OPLAH: variants seen among roughly 807,000 people sequenced by gnomAD.
The protein encoded by OPLAH is 5-oxoprolinase.
In OPLAH, 103 loss-of-function variants were observed where a neutral mutation model predicts 122.8. The ratio of observed to expected loss-of-function variants is 0.84; its 90% confidence interval spans 0.71 to 0.99. The LOEUF (loss-of-function observed/expected upper bound fraction) is 0.99. OPLAH is among the 50% of genes least tolerant of loss of function. The pLI is 0.00. For synonymous variants in OPLAH, 875 were observed against 796.0 expected, an observed-to-expected ratio of 1.10 and a Z score of -1.67; for missense variants, 1,902 against 1,836.5, an observed-to-expected ratio of 1.04 and a Z score of -0.65.
chr8:144,058,429 A>G (rs1232223678), intron 6 of OPLAH, 25 bp from the exon 7 acceptor site: 9 of 1,586,130 alleles, frequency 5.7e-6, no homozygotes, highest in African/African-American at 1.3e-5. Context: ...CAGGCGGGCC[A>G]TGAGGGGCAG....
rs1835617054 is a variant in OPLAH at position 144,059,602 on chromosome 8, G to A, written c.360C>T (p.Asp120=). Reference sequence around the variant, plus strand: ...CCCCAGCCAACATGGAGCTCACCAGGTCAAAGAGGTCCCCACGGGCTTGGG... The same window carrying A: ...CCCCAGCCAACATGGAGCTCACCAGATCAAAGAGGTCCCCACGGGCTTGGG... The part of the protein sequence containing the change: ...IGTQARGDLF[D]LAVPMPEVLY... Residue 120 remains aspartate (D), a synonymous_variant, in exon 3 of 27, where the codon GAC becomes GAT. Coordinates refer to ENST00000618853, the MANE Select transcript of OPLAH (RefSeq NM_017570.5). 1 of 1,605,660 alleles carries A rather than the reference G, an allele frequency of 6.2e-7. No individual in the cohort carries two copies. The highest frequency in any genetic ancestry group is 1.1e-5 in the South Asian group (1 of 90,236).
At chr8:144,062,785 A>C (rs1835684928), upstream of OPLAH, among the ~76,000 whole-genome samples, 1 of 150,010 alleles carries the variant, frequency 6.7e-6, no homozygotes, top group African/African-American at 2.5e-5. Flanking sequence ...CTCTCTGTTC[A>C]CTCCAGGGGC....
upstream of OPLAH, among the ~76,000 whole-genome samples, chr8:144,062,471 C>G (rs1236492421): frequency 6.6e-6 from 1 of 151,984 alleles, no homozygotes. Flanking sequence ...CTGAGCAGTC[C>G]GTGGGAAGCA....
At chr8:144,062,240 T>C (rs144840074), upstream of OPLAH, among the ~76,000 whole-genome samples, 1 of 152,194 alleles carries the variant, frequency 6.6e-6, no homozygotes, top group Non-Finnish European at 1.5e-5. Flanking sequence ...CAGCTCCCCA[T>C]AGACAGGGAT....
intron 19 of OPLAH, among the ~76,000 whole-genome samples, chr8:144,053,820 C>A (rs1554758299): frequency 1.3e-5 from 2 of 148,424 alleles, no homozygotes; most frequent in Non-Finnish European, 3.0e-5. Context: ...CTCTCCTACC[C>A]CCACCCCCAC....
At chr8:144,057,971 C>A in intron 8 of OPLAH, 39 bp downstream of exon 8, 1 of 1,611,930 alleles carries the variant, frequency 6.2e-7, no homozygotes, top group Non-Finnish European at 8.5e-7. Context: ...AGGAGGGAGA[C>A]AGGGCTGGGG....
chr8:144,053,003 C>A lies in OPLAH; in HGVS notation c.2998G>T (p.Val1000Leu). 1 of 1,602,558 alleles carries A rather than the reference C, an allele frequency of 6.2e-7. No individual in the cohort carries two copies. The highest frequency in any genetic ancestry group is 1.1e-5 in the South Asian group (1 of 89,178). ...CCCACCTGACTCAGGCTGATCTGCA[C>A]ACGGAGGCGGATGGGGGAACCGTCG... ...MDDGSPIRLR[V>L]QISLSQGSAV... The change falls in exon 21 of 27, where the codon GTG becomes TTG. Residue 1000 changes from valine (V) to leucine (L), a missense_variant. Val to Leu is a conservative substitution (Grantham distance 32). Coordinates refer to ENST00000618853, the MANE Select transcript of OPLAH (RefSeq NM_017570.5).
chr8:144,051,148 A>G, downstream of OPLAH: 1 of 1,424,870 alleles, frequency 7.0e-7, no homozygotes, highest in South Asian at 1.5e-5. Context: ...ACCGCCCTGG[A>G]GGGGCTCACG....
chr8:144,056,994 G>C lies in OPLAH; in HGVS notation c.1660C>G (p.Leu554Val). Residue 554 changes from leucine (L) to valine (V), a missense_variant, in exon 12 of 27, where the codon CTG becomes GTG. Leu to Val is a conservative substitution (Grantham distance 32, BLOSUM62 1). This residue lies in a region of OPLAH where 1,726 missense variants were observed against 1,642.1 expected (regional missense o/e 1.05). Transcript: ENST00000618853. ...AGAGCATCCACACACTGCTCCTCCA[G>C]GCGGCTCAGCCTCTGGTCCAGCTGC... Reference protein sequence around the residue: ...FVQLDQRLSRLEEQCVDALQA... With the variant: ...FVQLDQRLSRVEEQCVDALQA... The C allele has an allele frequency of 2.5e-6, 4 of 1,589,900 alleles. No homozygotes were observed. Among genetic ancestry groups the C allele is most frequent in the Non-Finnish European group, 3.4e-6 (4 of 1,169,902 alleles).
rs1050053640 is a variant in OPLAH, at chr8:144,057,983, C to T, written c.1088+27G>A. On this transcript the variant is annotated intron_variant, in intron 8 of 26. Coordinates refer to ENST00000618853, the MANE Select transcript of OPLAH (RefSeq NM_017570.5). ...ACGAGGAGGGAGACAGGGCTGGGGT[C>T]CCAGCCTGGGAAGCAGGAGAGCTGA... 6.2e-6 allele frequency: 10 copies of T among 1,612,006 alleles called. No homozygotes were observed. In the African/African-American group the frequency reaches 9.3e-5, roughly 15 times the overall value.
At chr8:144,053,947 C>T (rs2129770659) in intron 19 of OPLAH, among the ~76,000 whole-genome samples, 1 of 148,366 alleles carries the variant, frequency 6.7e-6, no homozygotes, top group Admixed American at 6.8e-5. Context: ...CCTCCAAATA[C>T]CCACCTCCAC....
chr8:144,051,423 T>C lies in OPLAH; in HGVS notation c.3770A>G (p.Glu1257Gly), dbSNP rs1324215147. 2 of 1,482,794 alleles carry C rather than the reference T, an allele frequency of 1.3e-6. No individual in the cohort carries two copies. Among genetic ancestry groups the C allele is most frequent in the Non-Finnish European group, 1.8e-6 (2 of 1,108,868 alleles). The allele number at this position is 1,482,794 out of a possible 1,614,324, so 91.9% of individuals were successfully genotyped here. A position where few individuals can be genotyped will look rare whatever the true frequency, so the allele number is the denominator to read the frequency against. Reference protein sequence around the residue: ...TPGGGGYGDPEDPAPPPGSPP... With the variant: ...TPGGGGYGDPGDPAPPPGSPP... Reference sequence around the variant, plus strand: ...CGACCCCGGCGGTGGGGCGGGGTCCTCCGGGTCCCCATAGCCACCGCCGCC... The same window carrying C: ...CGACCCCGGCGGTGGGGCGGGGTCCCCCGGGTCCCCATAGCCACCGCCGCC... Residue 1257 changes from glutamate (E) to glycine (G), a missense_variant, in exon 27 of 27, where the codon GAG becomes GGG. Around this residue, in one of 3 missense-constraint regions of OPLAH, gnomAD observed 1,726 missense variants for 1,642.1 expected, o/e 1.05. Transcript: ENST00000618853.
At chr8:144,061,579 A>G (rs1424882172), upstream of OPLAH, among the ~76,000 whole-genome samples, 1 of 152,078 alleles carries the variant, frequency 6.6e-6, no homozygotes, top group Non-Finnish European at 1.5e-5. Context: ...AGTTGGCCAA[A>G]CCTACCAAAA....
chr8:144,052,665 C>G (rs1482571336), intron 22 of OPLAH, 67 bp from the exon 23 acceptor site: 31 of 1,532,708 alleles, frequency 2.0e-5, no homozygotes, highest in Non-Finnish European at 2.5e-5. Flanking sequence ...ACCCCACCCC[C>G]CGCCCCAGCA....
rs960979823 is a variant in OPLAH, at chr8:144,060,122, A to G, written c.-53-37T>C. 1.3e-5 allele frequency: 18 copies of G among 1,419,846 alleles called. No homozygotes were observed. In the East Asian group the frequency reaches 4.0e-4, roughly 31 times the overall value. 88.0% of individuals were successfully genotyped at this position (1,419,846 alleles called of 1,614,324 possible). A position where few individuals can be genotyped will look rare whatever the true frequency, so the allele number is the denominator to read the frequency against. ...CGGGGTCAGCCCGGGCTCACCTGCG[A>G]GTGGGACTAGAGGCTCCCCAGCCCT... is the stretch of plus-strand genomic sequence containing the variant. On this transcript the variant is annotated intron_variant, in intron 1 of 26. Transcript: ENST00000618853.
upstream of OPLAH, among the ~76,000 whole-genome samples, chr8:144,061,975 G>A (rs187031579): frequency 9.7e-3 from 1,386 of 142,780 alleles, 22 homozygotes; most frequent in African/African-American, 0.035. Context: ...AGATGAGATC[G>A]CACCACTGCA....
In OPLAH at chr8:144,053,249, T is replaced by C; in HGVS notation, c.2831A>G (p.Tyr944Cys). ...GTAGGCCTGCACCACGTCCAGGCCG[T>C]ACTGCCCAATGAGCTCCCCCACCAG... is the stretch of plus-strand genomic sequence containing the variant. ...IQLVGELIGQ[Y>C]GLDVVQAYMG... The change falls in exon 20 of 27, where the codon TAC becomes TGC. Residue 944 changes from tyrosine (Y) to cysteine (C), a missense_variant. By Grantham distance (194) the Tyr-to-Cys change is radical (BLOSUM62 -2). Transcript: ENST00000618853. 2 of 1,612,962 alleles carry C rather than the reference T, an allele frequency of 1.2e-6. No homozygotes were observed. Among genetic ancestry groups the C allele is most frequent in the Non-Finnish European group, 1.7e-6 (2 of 1,179,820 alleles).
Position 144,059,942 on chromosome 8 carries a change from G to C in OPLAH, c.91C>G (p.Arg31Gly). ...TCCTCTGAGAGCAGTTTTAAGACCC[G>C]CACGTGCCCCCCTGGGCACTGGGCA... The part of the protein sequence containing the change: ...VFAQCPGGHV[R>G]VLKLLSEDPA... Residue 31 changes from arginine to glycine, a missense_variant, in exon 2 of 27, where the codon CGG (arginine) becomes GGG (glycine). By Grantham distance (125) the Arg-to-Gly change is moderately radical. Transcript: ENST00000618853. 6.2e-7 allele frequency: 1 copy of C among 1,612,780 alleles called. No homozygotes were observed. The highest frequency in any genetic ancestry group is 8.5e-7 in the Non-Finnish European group (1 of 1,179,844).
At chr8:144,057,396 G>A in intron 10 of OPLAH, 52 bp downstream of exon 10, 2 of 1,584,566 alleles carry the variant, frequency 1.3e-6, no homozygotes, top group South Asian at 2.3e-5. Flanking sequence ...GAGGCCTGGG[G>A]CAGGGAGCAG....
Sources: allele counts gnomAD v4.1 joint callset (sites outside exome capture counted in the v4.1 genomes callset), GRCh38; gene constraint gnomAD v4.1.1; regional missense constraint gnomAD v4.1.1; transcripts MANE v1.5; gene names NCBI Gene and HGNC (gene_info 2026-07-23, HGNC 2026-07-21).